The following TRDN variants were observed in gnomAD, a reference collection of about 807,000 sequenced individuals.
TRDN encodes the protein triadin.
A neutral mutation model predicts 149.7 loss-of-function variants in TRDN; 161 were observed. That is an observed-to-expected ratio of 1.08 (90% CI 0.95 to 1.23). TRDN has a LOEUF of 1.23. TRDN is among the 50% of genes most tolerant of loss of function. The pLI, the probability that TRDN is intolerant of heterozygous loss-of-function variation, is 0.00. For synonymous variants in TRDN, 294 were observed against 250.5 expected, an observed-to-expected ratio of 1.17 and a Z score of -1.64; for missense variants, 896 against 823.5, an observed-to-expected ratio of 1.09 and a Z score of -1.08.
At chr6:123,578,458 G>A (rs1355349949) in intron 1 of TRDN, among the ~76,000 whole-genome samples, 2 of 152,016 alleles carry the variant, frequency 1.3e-5, no homozygotes, top group African/African-American at 4.8e-5. Context: ...GAAGATCAGA[G>A]GGTCGTAGGT....
chr6:123,380,848 C>T (rs1781690220), intron 16 of TRDN, among the ~76,000 whole-genome samples: 1 of 151,622 alleles, frequency 6.6e-6, no homozygotes, highest in East Asian at 1.9e-4. Context: ...AGTGTTAAAG[C>T]AACAGTGGAT....
chr6:123,575,152 A>C (rs947689193), intron 1 of TRDN, among the ~76,000 whole-genome samples: 6 of 151,830 alleles, frequency 4.0e-5, no homozygotes, highest in African/African-American at 1.5e-4. Context: ...TTAAGAATTA[A>C]TCATGACTCA....
intron 21 of TRDN, chr6:123,349,491 T>C (rs1780373967): frequency 1.1e-6 from 1 of 891,772 alleles, no homozygotes; most frequent in African/African-American, 1.8e-5. Flanking sequence ...ATTATCATAA[T>C]TTAACATTTA....
Position 123,331,884 on chromosome 6 carries a change from T to A in TRDN, c.1466A>T (p.Glu489Val). The change falls in exon 23 of 41, where the codon GAA becomes GTA. Residue 489 changes from glutamate to valine, a missense_variant. Physicochemically the swap from Glu to Val is moderately radical, Grantham distance 121. Coordinates refer to ENST00000334268, the MANE Select transcript of TRDN (RefSeq NM_006073.4). ...KEEKVPASLK[E>V]KEPETKKDEK... ...ATTTCATTGTATAATATTACCTTTT[T>A]CCTTTAGGGAAGCTGGAACTTTCTC... 1 of 1,543,250 alleles carries A rather than the reference T, an allele frequency of 6.5e-7. No homozygotes were observed. Among genetic ancestry groups the A allele is most frequent in the Non-Finnish European group, 8.8e-7 (1 of 1,141,714 alleles).
intron 23 of TRDN, among the ~76,000 whole-genome samples, chr6:123,329,455 A>T (rs1779584255): frequency 6.6e-6 from 1 of 152,116 alleles, no homozygotes; most frequent in East Asian, 1.9e-4. Flanking sequence ...CTAAAGATTT[A>T]TTTGAGATGT....
intron 24 of TRDN, among the ~76,000 whole-genome samples, chr6:123,287,674 G>A (rs776258602): frequency 5.3e-5 from 8 of 151,988 alleles, no homozygotes; most frequent in Non-Finnish European, 1.2e-4. Context: ...TGTTGATCAT[G>A]GTATGTCAAC....
At chr6:123,366,312 A>C in intron 19 of TRDN, 130 bp from the exon 20 acceptor site, 1 of 746,806 alleles carries the variant, frequency 1.3e-6, no homozygotes, top group Admixed American at 3.1e-5. Context: ...CTGTAGAGAA[A>C]GCCAAAATAC....
chr6:123,279,029 T>C (rs1582814681), intron 25 of TRDN, 27 bp downstream of exon 25: 1 of 1,599,618 alleles, frequency 6.3e-7, no homozygotes. Flanking sequence ...TGTACGTGTT[T>C]GTTTATTGAG....
intron 26 of TRDN, among the ~76,000 whole-genome samples, chr6:123,277,650 A>G (rs1263379962): frequency 6.6e-6 from 1 of 152,180 alleles, no homozygotes; most frequent in Non-Finnish European, 1.5e-5. Context: ...GCCAAGGAAC[A>G]CCAAGGATTG....
intron 1 of TRDN, among the ~76,000 whole-genome samples, chr6:123,601,431 C>T (rs930314816): frequency 2.0e-5 from 3 of 152,076 alleles, no homozygotes; most frequent in Non-Finnish European, 2.9e-5. Flanking sequence ...AAGTTGCAGC[C>T]CTTTCTGTAC....
chr6:123,385,161 C>T (rs1307587457), intron 14 of TRDN, among the ~76,000 whole-genome samples: 2 of 152,148 alleles, frequency 1.3e-5, no homozygotes, highest in African/African-American at 2.4e-5. Context: ...GGCGCGGTGG[C>T]TCATGCCTGT....
At chr6:123,405,948 TATA>T (rs1773175143) in intron 12 of TRDN, among the ~76,000 whole-genome samples, 1 of 152,182 alleles carries the variant, frequency 6.6e-6, no homozygotes, top group African/African-American at 2.4e-5. Context: ...TATTTTGTGC[TATA>T]ATGTTTTATA....
At chr6:123,240,903 AT>A (rs1775966596) in intron 38 of TRDN, among the ~76,000 whole-genome samples, 1 of 151,892 alleles carries the variant, frequency 6.6e-6, no homozygotes, top group Admixed American at 6.6e-5. Flanking sequence ...TTTGAGGTGA[AT>A]TTACTCTGAA....
intron 33 of TRDN, 60 bp from the exon 34 acceptor site, chr6:123,260,698 T>C (rs529007587): frequency 6.2e-6 from 8 of 1,289,816 alleles, no homozygotes; most frequent in Non-Finnish European, 7.2e-6. Context: ...AAAGAAAAAG[T>C]ATAGTTTTTT....
At chr6:123,328,065 C>T (rs1779526331) in intron 23 of TRDN, among the ~76,000 whole-genome samples, 4 of 152,194 alleles carry the variant, frequency 2.6e-5, no homozygotes, top group African/African-American at 9.6e-5. Context: ...TCCATATTTT[C>T]CACATTTTCT....
intron 13 of TRDN, 48 bp from the exon 14 acceptor site, chr6:123,388,599 A>G (rs777798057): frequency 5.1e-6 from 8 of 1,557,662 alleles, no homozygotes; most frequent in African/African-American, 1.4e-5. Context: ...ACCATTCCTC[A>G]GAATACTCCC....
At chr6:123,472,729 A>G (rs1029453530) in intron 9 of TRDN, among the ~76,000 whole-genome samples, 1 of 152,208 alleles carries the variant, frequency 6.6e-6, no homozygotes, top group Non-Finnish European at 1.5e-5. Context: ...ACGCAGCTGG[A>G]GATCTGAGAA....
chr6:123,624,097 A>T (rs1785529957), intron 1 of TRDN, among the ~76,000 whole-genome samples: 1 of 152,184 alleles, frequency 6.6e-6, no homozygotes. Context: ...GAATTAAAAC[A>T]GTACCTGGCA....
At chr6:123,491,972 C>A (rs191379939) in intron 9 of TRDN, among the ~76,000 whole-genome samples, 1 of 152,002 alleles carries the variant, frequency 6.6e-6, no homozygotes, top group Non-Finnish European at 1.5e-5. Context: ...CTCTTCTCAG[C>A]GAGATTTAAC....
Sources: gnomAD v4.1 joint callset for allele counts (sites outside exome capture counted in the v4.1 genomes callset) on GRCh38, gnomAD v4.1.1 for gene constraint, MANE v1.5 for transcripts, NCBI Gene and HGNC (gene_info 2026-07-23, HGNC 2026-07-21) for gene names.